RGS21: variants seen among roughly 807,000 people sequenced by gnomAD.
RGS21 encodes the protein regulator of G-protein signalling 21.
A neutral mutation model predicts 18.7 loss-of-function variants in RGS21; 19 were observed. The ratio of observed to expected loss-of-function variants is 1.01; its 90% confidence interval spans 0.71 to 1.49. The LOEUF (loss-of-function observed/expected upper bound fraction) is 1.49, where lower values mean the gene tolerates loss of function less well. Among genes scored for constraint, RGS21 ranks in the 40% most tolerant of loss-of-function variants. RGS21 has a pLI of 0.00. For synonymous variants in RGS21, 56 were observed against 57.8 expected (o/e 0.97, Z 0.14); for missense variants, 194 against 176.8 (o/e 1.10, Z -0.55).
At chr1:192,340,838 A>G (rs568510437) in intron 1 of RGS21, among the ~76,000 whole-genome samples, 172 of 152,202 alleles carry the variant, frequency 1.1e-3, no homozygotes, top group African/African-American at 3.9e-3. Context: ...ATTAGATCTC[A>G]TGAGACTTAT....
At chr1:192,339,639 T>C (rs1280468744) in intron 1 of RGS21, among the ~76,000 whole-genome samples, 1 of 152,074 alleles carries the variant, frequency 6.6e-6, no homozygotes, top group Non-Finnish European at 1.5e-5. Flanking sequence ...GTAATACCAA[T>C]GATGTTTACT....
chr1:192,338,368 A>G (rs1658803032), intron 1 of RGS21, among the ~76,000 whole-genome samples: 1 of 152,142 alleles, frequency 6.6e-6, no homozygotes, highest in South Asian at 2.1e-4. Flanking sequence ...AAAATAAACC[A>G]CTTATATAAC....
At position 192,365,878 on chromosome 1, in the gene RGS21, T is replaced by C. The variant is rs115953258; in HGVS notation, c.256-43T>C. On this transcript the variant is annotated intron_variant, in intron 4 of 4. Coordinates refer to ENST00000417209, the MANE Select transcript of RGS21 (RefSeq NM_001039152.3). ...TATATATGTATAAACTATACATTCT[T>C]TGATTAAACTAATTCAATGATATGC... 88 of 1,095,004 alleles carry C rather than the reference T, an allele frequency of 8.0e-5. No homozygotes were observed. In the African/African-American group the frequency reaches 9.6e-4, roughly 12 times the overall value. The allele number at this position is 1,095,004 out of a possible 1,614,324, so 67.8% of individuals were successfully genotyped here.
intron 2 of RGS21, 142 bp downstream of exon 2, chr1:192,343,189 TA>T (rs1409621484): frequency 1.6e-5 from 13 of 835,652 alleles, no homozygotes; most frequent in Non-Finnish European, 2.6e-5. Flanking sequence ...CTCCTTTCTC[TA>T]CTGATTTCTT....
In RGS21 at chr1:192,351,699, G is replaced by A. The variant is rs138582509; in HGVS notation, c.89-348G>A. On this transcript the variant is annotated intron_variant, in intron 3 of 4. Transcript: ENST00000417209. ...CACATATAATATATATGCTATATATGCTATATATAGCATATATAACACATA... is the reference window on the plus strand; with the variant it reads ...CACATATAATATATATGCTATATATACTATATATAGCATATATAACACATA... 1.5e-3 allele frequency among the ~76,000 whole-genome samples: 226 copies of A among 146,152 alleles called. 1 individual carries two copies. The highest frequency in any genetic ancestry group is 5.4e-3 in the African/African-American group (217 of 40,038).
intron 3 of RGS21, among the ~76,000 whole-genome samples, chr1:192,351,776 A>T (rs1214507031): frequency 1.4e-5 from 2 of 147,810 alleles, no homozygotes; most frequent in Admixed American, 6.8e-5. Context: ...TAACATATAT[A>T]ATATATATAA....
At chr1:192,343,190 A>G in intron 2 of RGS21, 143 bp downstream of exon 2, 1 of 835,944 alleles carries the variant, frequency 1.2e-6, no homozygotes, top group South Asian at 1.5e-5. Context: ...TCCTTTCTCT[A>G]CTGATTTCTT....
At chr1:192,346,382 T>A (rs1179228596) in intron 2 of RGS21, among the ~76,000 whole-genome samples, 3 of 152,136 alleles carry the variant, frequency 2.0e-5, no homozygotes, top group Non-Finnish European at 4.4e-5. Context: ...AGAATTGCGA[T>A]ATATGAGTTT....
At position 192,352,366 on chromosome 1, in the gene RGS21, ACT is replaced by A. The variant is rs1379047799; in HGVS notation, c.255+158_255+159del. Among the ~76,000 whole-genome samples the A allele has an allele frequency of 4.0e-5, 6 of 151,634 alleles. No individual in the cohort carries two copies. In the South Asian group the frequency reaches 6.3e-4, roughly 16 times the overall value. ...ATTCCAAGAGAAATTCCTTAAGATG[ACT>A]CTCTTTTTTTTCATTGATTCAGTAA... On this transcript the variant is annotated intron_variant, in intron 4 of 4. Coordinates refer to ENST00000417209, the MANE Select transcript of RGS21 (RefSeq NM_001039152.3).
At chr1:192,324,333 T>C (rs1658536550) in intron 1 of RGS21, among the ~76,000 whole-genome samples, 1 of 152,076 alleles carries the variant, frequency 6.6e-6, no homozygotes, top group Non-Finnish European at 1.5e-5. Context: ...CTGATCTACA[T>C]TAACATATAA....
intron 1 of RGS21, among the ~76,000 whole-genome samples, 194 bp from the exon 2 acceptor site, chr1:192,342,783 C>G (rs1010467493): frequency 6.6e-6 from 1 of 152,016 alleles, no homozygotes; most frequent in African/African-American, 2.4e-5. Flanking sequence ...AATTATGCCA[C>G]AGACTCAGAG....
intron 4 of RGS21, among the ~76,000 whole-genome samples, chr1:192,360,129 T>C (rs1282837399): frequency 1.3e-5 from 2 of 152,054 alleles, no homozygotes; most frequent in Non-Finnish European, 2.9e-5. Flanking sequence ...TGATCTCTTC[T>C]AGTTCTATGG....
At chr1:192,336,715 T>C (rs1222360919) in intron 1 of RGS21, among the ~76,000 whole-genome samples, 1 of 152,094 alleles carries the variant, frequency 6.6e-6, no homozygotes, top group Non-Finnish European at 1.5e-5. Context: ...AAAGAGTGGA[T>C]AGTTTTTAAT....
At chr1:192,364,949 A>C (rs762352514) in intron 4 of RGS21, among the ~76,000 whole-genome samples, 24 of 152,158 alleles carry the variant, frequency 1.6e-4, no homozygotes, top group Middle Eastern at 3.4e-3. Context: ...CCTGGCCAAC[A>C]TGGTGAAACC....
intron 2 of RGS21, 51 bp downstream of exon 2, chr1:192,343,098 C>T (rs1176533789): frequency 3.3e-6 from 5 of 1,528,800 alleles, no homozygotes; most frequent in East Asian, 2.3e-5. Flanking sequence ...ACAAATGAAA[C>T]ACTTGAGTCT....
At chr1:192,344,109 A>G (rs1658912822) in intron 2 of RGS21, among the ~76,000 whole-genome samples, 1 of 152,046 alleles carries the variant, frequency 6.6e-6, no homozygotes, top group Non-Finnish European at 1.5e-5. Flanking sequence ...CATGAATAAT[A>G]TTGTTCATGA....
chr1:192,320,508 G>GTGTGTGTGTATA, intron 1 of RGS21, among the ~76,000 whole-genome samples: 1 of 132,396 alleles, frequency 7.6e-6, no homozygotes, highest in South Asian at 2.4e-4. Context: ...GAATGTGTAT[G>GTGTGTGTGTATA]TGTATGTGTA....
intron 2 of RGS21, among the ~76,000 whole-genome samples, 155 bp downstream of exon 2, chr1:192,343,202 T>A (rs1205456405): frequency 6.6e-6 from 1 of 152,140 alleles, no homozygotes; most frequent in Non-Finnish European, 1.5e-5. Flanking sequence ...TGATTTCTTC[T>A]TTTTGAAAAC....
Position 192,331,319 on chromosome 1 carries a change from C to G in RGS21, c.-60-11658C>G, listed in dbSNP as rs559401323. Among the ~76,000 whole-genome samples, 23 of 152,100 alleles carry G rather than the reference C, an allele frequency of 1.5e-4. 1 individual carries two copies. The South Asian group carries it at 4.4e-3, about 29-fold the overall frequency. On this transcript the variant is annotated intron_variant, in intron 1 of 4. Transcript: ENST00000417209. Reference sequence around the variant, plus strand: ...CTATAATCCCAGCACTTTGGGAGGCCTAGGCAGGCAGATCATGAGGTCAGG... The same window carrying G: ...CTATAATCCCAGCACTTTGGGAGGCGTAGGCAGGCAGATCATGAGGTCAGG...
Sources: gnomAD v4.1 joint callset for allele counts (sites outside exome capture counted in the v4.1 genomes callset) on GRCh38, gnomAD v4.1.1 for gene constraint, MANE v1.5 for transcripts, NCBI Gene and HGNC (gene_info 2026-07-23, HGNC 2026-07-21) for gene names.